CEP95: variants seen among roughly 807,000 people sequenced by gnomAD.
CEP95 encodes the protein centrosomal protein of 95 kDa.
In CEP95, 98 loss-of-function variants were observed where a neutral mutation model predicts 111.2. The observed-to-expected ratio is 0.88, with a 90% CI of 0.75 to 1.04. The LOEUF is 1.04. Among genes scored for constraint, CEP95 ranks in the 50% least tolerant of loss-of-function variants. CEP95 has a pLI of 0.00. For synonymous variants in CEP95, 323 were observed against 327.1 expected, an observed-to-expected ratio of 0.99 and a Z score of 0.14; for missense variants, 1,027 against 977.2, an observed-to-expected ratio of 1.05 and a Z score of -0.68.
At position 64,522,835 on chromosome 17, in the gene CEP95, GC is replaced by G; in HGVS notation, c.850del (p.His284IlefsTer9). On this transcript the variant is annotated frameshift_variant, in exon 8 of 20. Transcript: ENST00000556440. LOFTEE classifies it high-confidence loss of function. ...CCTGCCCCATAGGAAAAGAATACTT[GC>G]ATTCAAGTCACTGCTCCCCAGCCGT... is the stretch of plus-strand genomic sequence containing the variant. ...APCPIGKEYL[H>X]SSHCSPAVNS... 1 of 1,613,514 alleles carries G rather than the reference GC, an allele frequency of 6.2e-7. No homozygotes were observed. Among genetic ancestry groups the G allele is most frequent in the Non-Finnish European group, 8.5e-7 (1 of 1,179,806 alleles).
At chr17:64,520,211 A>G (rs1293730173) in intron 6 of CEP95, among the ~76,000 whole-genome samples, 1 of 152,204 alleles carries the variant, frequency 6.6e-6, no homozygotes, top group Non-Finnish European at 1.5e-5. Context: ...GTGCTATGTA[A>G]AAAAGATGTT....
Position 64,531,952 on chromosome 17 carries a change from G to A in CEP95, c.1602G>A (p.Lys534=), listed in dbSNP as rs782059904. 6.2e-6 allele frequency: 10 copies of A among 1,611,222 alleles called. 1 individual carries two copies. In the Admixed American group the frequency reaches 1.7e-4, roughly 27 times the overall value. Residue 534 remains lysine (K), a synonymous_variant, in exon 14 of 20, where the codon AAG becomes AAA. Transcript: ENST00000556440. ...CTCCAGAATGTAGTCAGCCCTGGAA[G>A]ATTTACTCTAGAAAAACCACAACGC... ...KGTPECSQPW[K]IYSRKTTTQS...
intron 2 of CEP95, among the ~76,000 whole-genome samples, chr17:64,509,726 C>T (rs992606829): frequency 6.6e-5 from 10 of 151,710 alleles, no homozygotes; most frequent in African/African-American, 1.2e-4. Context: ...TATATAAGAA[C>T]GCTCCTTGAA....
chr17:64,532,328 T>A, intron 14 of CEP95: 1 of 1,100,814 alleles, frequency 9.1e-7, no homozygotes, highest in Non-Finnish European at 1.1e-6. Context: ...TCTGGGAGGT[T>A]GGTAGAATGA....
Position 64,534,605 on chromosome 17 carries a change from T to G in CEP95, c.1938T>G (p.Ile646Met), listed in dbSNP as rs781987477. The change falls in exon 17 of 20, where the codon ATT becomes ATG. Residue 646 changes from isoleucine (I) to methionine (M), a missense_variant. Ile to Met is a conservative substitution (Grantham distance 10, BLOSUM62 1). Transcript: ENST00000556440. ...NKRLQDFKDCIRRQRLTQSKI... is the reference protein window; with the variant it reads ...NKRLQDFKDCMRRQRLTQSKI... ...CTTAGCAAGACTTCAAGGACTGCATTCGTAGGCAAAGGTTGACCCAATCAA... is the reference window on the plus strand; with the variant it reads ...CTTAGCAAGACTTCAAGGACTGCATGCGTAGGCAAAGGTTGACCCAATCAA... 2 of 1,613,862 alleles carry G rather than the reference T, an allele frequency of 1.2e-6. No homozygotes were observed. The highest frequency in any genetic ancestry group is 2.2e-5 in the South Asian group (2 of 91,080).
chr17:64,506,887 C>A (rs180961416), upstream of CEP95: 7 of 651,768 alleles, frequency 1.1e-5, no homozygotes, highest in African/African-American at 1.8e-5. Flanking sequence ...CCAAACCGCC[C>A]CCGTTTCACG....
At chr17:64,515,659 T>A (rs1235086100) in intron 4 of CEP95, 1 of 152,182 alleles carries the variant, frequency 6.6e-6, no homozygotes, top group Non-Finnish European at 1.5e-5. Flanking sequence ...TCAGATAGGC[T>A]TCCCTATATG....
intron 3 of CEP95, among the ~76,000 whole-genome samples, chr17:64,512,424 GTATAC>G (rs1298426639): frequency 1.3e-5 from 2 of 152,090 alleles, no homozygotes; most frequent in Middle Eastern, 3.2e-3. Flanking sequence ...CCAAAATAAA[GTATAC>G]TATACTGTAT....
chr17:64,531,997 C>T lies in CEP95; in HGVS notation c.1647C>T (p.Leu549=). ...KTTTQSLRGG[L]PKPNKAVPMK... ...CAACGCAGAGTCTAAGAGGTGGCCT[C>T]CCAAAGCCAAATAAAGCAGTTCCAA... is the stretch of plus-strand genomic sequence containing the variant. The change falls in exon 14 of 20, where the codon CTC becomes CTT. Residue 549 remains leucine, a synonymous_variant. Transcript: ENST00000556440. 2 of 1,591,496 alleles carry T rather than the reference C, an allele frequency of 1.3e-6. No homozygotes were observed. The highest frequency in any genetic ancestry group is 1.2e-5 in the South Asian group (1 of 86,646).
chr17:64,534,532 T>C (rs1165150339), intron 16 of CEP95, 53 bp from the exon 17 acceptor site: 40 of 1,517,804 alleles, frequency 2.6e-5, no homozygotes, highest in Non-Finnish European at 8.2e-6. Context: ...AACGCTGGAA[T>C]CTGCATTCCT....
chr17:64,528,354 T>C lies in CEP95; in HGVS notation c.1307-934T>C, dbSNP rs73333927. ...CTTTCCTTCTCTTGATTATTTCCTC[T>C]CTCTTCCCTTTAAAAGGACTCAGCT... is the stretch of plus-strand genomic sequence containing the variant. On this transcript the variant is annotated intron_variant, in intron 11 of 19. Coordinates refer to ENST00000556440, the MANE Select transcript of CEP95 (RefSeq NM_138363.3). Among the ~76,000 whole-genome samples the C allele has an allele frequency of 2.1e-3, 320 of 152,308 alleles. 1 individual carries two copies. Among genetic ancestry groups the C allele is most frequent in the African/African-American group, 7.3e-3 (305 of 41,570 alleles).
Position 64,510,705 on chromosome 17 carries a change from A to G in CEP95, c.256+425A>G, listed in dbSNP as rs187736021. ...GCCGGGGCTACAGGTGTGCACCACC[A>G]TGCCTGGCTAATTTTTTCTATTTTT... On this transcript the variant is annotated intron_variant, in intron 3 of 19. Coordinates refer to ENST00000556440, the MANE Select transcript of CEP95 (RefSeq NM_138363.3). Among the ~76,000 whole-genome samples, 1,509 of 152,254 alleles carry G rather than the reference A, an allele frequency of 9.9e-3. 23 individuals carry two copies. The highest frequency in any genetic ancestry group is 0.034 in the African/African-American group (1,407 of 41,532).
chr17:64,517,410 AAGC>A (rs1555676630), intron 5 of CEP95, among the ~76,000 whole-genome samples: 1 of 152,172 alleles, frequency 6.6e-6, no homozygotes, highest in Admixed American at 6.5e-5. Context: ...AAAATAGAAA[AAGC>A]AGGAAAAAAA....
intron 5 of CEP95, among the ~76,000 whole-genome samples, 168 bp from the exon 6 acceptor site, chr17:64,519,153 T>C (rs1967114365): frequency 1.3e-5 from 2 of 152,242 alleles, no homozygotes; most frequent in South Asian, 4.1e-4. Context: ...TATATACAGC[T>C]ATTTCTACCA....
intron 4 of CEP95, chr17:64,515,826 T>C (rs1598194153): frequency 6.6e-6 from 1 of 152,188 alleles, no homozygotes; most frequent in East Asian, 1.9e-4. Flanking sequence ...ACTAATCATA[T>C]CAGCTGTGCA....
Position 64,526,058 on chromosome 17 carries a change from A to G in CEP95, c.1023-13A>G. The G allele has an allele frequency of 6.2e-7, 1 of 1,606,158 alleles. No homozygotes were observed. The highest frequency in any genetic ancestry group is 8.5e-7 in the Non-Finnish European group (1 of 1,177,738). ...CTAGCTATTTTACTGTCAAATGGTC[A>G]CTTTTATTACAGAAATGAAAACAGA... On this transcript the variant is annotated splice_polypyrimidine_tract_variant and intron_variant, in intron 9 of 19. Transcript: ENST00000556440.
At chr17:64,509,641 C>T (rs782732624) in intron 2 of CEP95, among the ~76,000 whole-genome samples, 14 of 152,172 alleles carry the variant, frequency 9.2e-5, no homozygotes, top group African/African-American at 2.7e-4. Context: ...GCCAAGATCA[C>T]GCCACTGCAT....
chr17:64,532,851 AAC>A lies in CEP95; in HGVS notation c.1689_1690del (p.His563GlnfsTer32), dbSNP rs1187686629. 1 of 1,607,764 alleles carries A rather than the reference AAC, an allele frequency of 6.2e-7. No homozygotes were observed. The highest frequency in any genetic ancestry group is 2.2e-5 in the East Asian group (1 of 44,848). On this transcript the variant is annotated frameshift_variant, in exon 15 of 20. Coordinates refer to ENST00000556440, the MANE Select transcript of CEP95 (RefSeq NM_138363.3). LOFTEE classifies it high-confidence loss of function. ...TTTTACCTTGCAGTGAAAGTAAGTG[AAC>A]ACAGTCTCCTGCCCCTTATGCTGGA...
chr17:64,516,733 A>C lies in CEP95; in HGVS notation c.378A>C (p.Glu126Asp). ...SETSHEKSETEQYFKESDRGE... is the reference protein window; with the variant it reads ...SETSHEKSETDQYFKESDRGE... The stretch of plus-strand genomic sequence containing the variant: ...ATCTGTTCTGAACAGGTGAAACTGA[A>C]CAGTATTTTAAAGAATCTGATCGAG... The change falls in exon 5 of 20, where the codon GAA becomes GAC. Residue 126 changes from glutamate to aspartate, a missense_variant. Physicochemically the swap from Glu to Asp is conservative, Grantham distance 45 (BLOSUM62 2). Coordinates refer to ENST00000556440, the MANE Select transcript of CEP95 (RefSeq NM_138363.3). The C allele has an allele frequency of 6.2e-7, 1 of 1,603,424 alleles. No individual in the cohort carries two copies. Among genetic ancestry groups the C allele is most frequent in the Non-Finnish European group, 8.5e-7 (1 of 1,170,642 alleles).
Sources: allele counts gnomAD v4.1 joint callset (sites outside exome capture counted in the v4.1 genomes callset), GRCh38; gene constraint gnomAD v4.1.1; transcripts MANE v1.5; gene names NCBI Gene and HGNC (gene_info 2026-07-23, HGNC 2026-07-21).